The following TM4SF18 variants were observed in gnomAD, a reference collection of about 807,000 sequenced individuals.
The protein encoded by TM4SF18 is transmembrane 4 L6 family member 18.
TM4SF18 carries 22 observed loss-of-function variants against 23.8 expected under a neutral mutation model. The ratio of observed to expected loss-of-function variants is 0.92; its 90% CI spans 0.66 to 1.32. The LOEUF is 1.32. Ranked by LOEUF, TM4SF18 falls within the 40% of genes most tolerant of loss-of-function variation. The probability of loss-of-function intolerance (pLI) is 0.00; values close to 1 mark genes in which losing one functional copy is unlikely to be tolerated. For synonymous variants in TM4SF18, 87 were observed against 87.9 expected (o/e 0.99, Z 0.06); for missense variants, 255 against 240.3 (o/e 1.06, Z -0.41).
Position 149,318,596 on chromosome 3 carries a change from TA to T in TM4SF18, c.*2881del, listed in dbSNP as rs1350456025. 3 of 152,224 alleles carry T rather than the reference TA, an allele frequency of 2.0e-5. No homozygotes were observed. The highest frequency in any genetic ancestry group is 7.2e-5 in the African/African-American group (3 of 41,470). The allele number at this position is 152,224 out of a possible 1,614,324, so 9.4% of individuals were successfully genotyped here. A position where few individuals can be genotyped will look rare whatever the true frequency, so the allele number is the denominator to read the frequency against. ...TACTGAACAATGTAAAGAAAAGAGATAGAACTTATAGTCCTATCATTAGGAG... is the reference window on the plus strand; with the variant it reads ...TACTGAACAATGTAAAGAAAAGAGATGAACTTATAGTCCTATCATTAGGAG... On this transcript the variant is annotated 3_prime_UTR_variant, in exon 6 of 6. Coordinates refer to ENST00000296059, the MANE Select transcript of TM4SF18 (RefSeq NM_138786.4).
At chr3:149,326,844 T>C (rs1730959994) in intron 3 of TM4SF18, among the ~76,000 whole-genome samples, 1 of 152,228 alleles carries the variant, frequency 6.6e-6, no homozygotes, top group African/African-American at 2.4e-5. Flanking sequence ...GACATACTCA[T>C]GTCATTCTTT....
Position 149,333,243 on chromosome 3 carries a change from A to C in TM4SF18, c.140T>G (p.Val47Gly). The change falls in exon 2 of 6, where the codon GTG becomes GGG. Residue 47 changes from valine (V) to glycine (G), a missense_variant. Transcript: ENST00000296059. ...YASSNKLTNY[V>G]WYFEGICFSG... ...GAAACAGATTCCTTCAAAATACCAC[A>C]CGTAGTTGGTGAGTTTATTGCTGGA... The C allele has an allele frequency of 6.2e-7, 1 of 1,613,046 alleles. No individual in the cohort carries two copies. Among genetic ancestry groups the C allele is most frequent in the Non-Finnish European group, 8.5e-7 (1 of 1,179,564 alleles).
At chr3:149,321,760 C>A (rs533382320) in intron 5 of TM4SF18, among the ~76,000 whole-genome samples, 1 of 152,084 alleles carries the variant, frequency 6.6e-6, no homozygotes, top group African/African-American at 2.4e-5. Context: ...TTTTAGCAGA[C>A]GAAGTAGAAG....
intron 4 of TM4SF18, among the ~76,000 whole-genome samples, chr3:149,324,642 T>C (rs926666102): frequency 6.6e-6 from 1 of 152,144 alleles, no homozygotes; most frequent in Admixed American, 6.5e-5. Context: ...TTTGGATAGC[T>C]CCATGACAAC....
At chr3:149,327,589 G>A (rs79627735) in intron 3 of TM4SF18, among the ~76,000 whole-genome samples, 1,531 of 152,240 alleles carry the variant, frequency 0.01, 13 homozygotes, top group Non-Finnish European at 0.017. Flanking sequence ...CAGGGTGAGA[G>A]TAGGCAGCAG....
intron 5 of TM4SF18, 72 bp from the exon 6 acceptor site, chr3:149,321,564 TA>T (rs1435715267): frequency 2.8e-5 from 28 of 1,000,228 alleles, no homozygotes; most frequent in Non-Finnish European, 3.9e-5. Flanking sequence ...GTAATCCAGA[TA>T]GCAACTTAAA....
Position 149,325,038 on chromosome 3 carries a change from G to A in TM4SF18, c.268-16C>T. On this transcript the variant is annotated splice_polypyrimidine_tract_variant and intron_variant, in intron 3 of 5. Coordinates refer to ENST00000296059, the MANE Select transcript of TM4SF18 (RefSeq NM_138786.4). ...ACAGCAGTGTCTAAATTAAAACATA[G>A]AAGCAGGTTAGTACCATAGAATGCG... 1 of 1,611,200 alleles carries A rather than the reference G, an allele frequency of 6.2e-7. No homozygotes were observed. Among genetic ancestry groups the A allele is most frequent in the African/African-American group, 1.3e-5 (1 of 74,838 alleles).
intron 4 of TM4SF18, 119 bp from the exon 5 acceptor site, chr3:149,322,555 A>G (rs1730833418): frequency 3.6e-6 from 3 of 838,810 alleles, no homozygotes; most frequent in Non-Finnish European, 3.6e-6. Flanking sequence ...ATGAATTAAT[A>G]CATTTTAAAA....
intron 3 of TM4SF18, 82 bp from the exon 4 acceptor site, chr3:149,325,104 C>T: frequency 1.5e-6 from 2 of 1,378,552 alleles, no homozygotes; most frequent in Non-Finnish European, 2.0e-6. Flanking sequence ...TAGCTACATT[C>T]CCCTATTCAC....
At chr3:149,323,255 A>G (rs1463573078) in intron 4 of TM4SF18, among the ~76,000 whole-genome samples, 1 of 152,144 alleles carries the variant, frequency 6.6e-6, no homozygotes. Flanking sequence ...GTTATTGTGA[A>G]TATTTGGTAA....
At chr3:149,326,292 T>C (rs35046330) in intron 3 of TM4SF18, among the ~76,000 whole-genome samples, 8,872 of 152,268 alleles carry the variant, frequency 0.058, 289 homozygotes, top group Middle Eastern at 0.082. Flanking sequence ...TGTCTCACAT[T>C]CTGGGCTTTT....
At position 149,323,385 on chromosome 3, in the gene TM4SF18, G is replaced by A. The variant is rs565330004; in HGVS notation, c.411-949C>T. Among the ~76,000 whole-genome samples the A allele has an allele frequency of 1.3e-4, 20 of 152,240 alleles. No individual in the cohort carries two copies. The East Asian group carries it at 3.3e-3, about 25-fold the overall frequency. On this transcript the variant is annotated intron_variant, in intron 4 of 5. Coordinates refer to ENST00000296059, the MANE Select transcript of TM4SF18 (RefSeq NM_138786.4). ...CCCTATCTCCATCTCAGCTGCCAGG[G>A]AAATGAGTCCCTCCAGATCCCTCCT...
chr3:149,333,480 C>CTATTTTT, intron 1 of TM4SF18, 33 bp downstream of exon 1: 1 of 391,566 alleles, frequency 2.6e-6, no homozygotes, highest in Non-Finnish European at 3.6e-6. Flanking sequence ...CTCTCTCTCT[C>CTATTTTT]TCTTTTTTTT....
chr3:149,323,140 T>C (rs1374624722), intron 4 of TM4SF18, among the ~76,000 whole-genome samples: 1 of 152,118 alleles, frequency 6.6e-6, no homozygotes, highest in Non-Finnish European at 1.5e-5. Context: ...CCTCATGATC[T>C]GCCTGCCTCA....
intron 2 of TM4SF18, among the ~76,000 whole-genome samples, chr3:149,330,777 G>C (rs1275768024): frequency 1.3e-5 from 2 of 152,188 alleles, no homozygotes; most frequent in East Asian, 3.8e-4. Context: ...CTTTCTCAAT[G>C]ACTCAGTTGT....
intron 4 of TM4SF18, among the ~76,000 whole-genome samples, chr3:149,322,858 G>C (rs2108359347): frequency 6.6e-6 from 1 of 151,316 alleles, no homozygotes; most frequent in East Asian, 1.9e-4. Context: ...CCTGGATTTG[G>C]GTCTGCAGGA....
rs1160937438 is a variant in TM4SF18, at chr3:149,321,332, T to C, written c.*146A>G. The stretch of plus-strand genomic sequence containing the variant: ...TAAATGGAAGGGTGGTATACTTGCA[T>C]GTGCAGTGAGGACTGCAAATTTTTT... On this transcript the variant is annotated 3_prime_UTR_variant, in exon 6 of 6. Coordinates refer to ENST00000296059, the MANE Select transcript of TM4SF18 (RefSeq NM_138786.4). 1.2e-5 allele frequency: 6 copies of C among 514,372 alleles called. No homozygotes were observed. The highest frequency in any genetic ancestry group is 2.1e-5 in the Non-Finnish European group (6 of 284,998). The allele number at this position is 514,372 out of a possible 1,614,324, so 31.9% of individuals were successfully genotyped here. A position where few individuals can be genotyped will look rare whatever the true frequency, so the allele number is the denominator to read the frequency against.
In TM4SF18 at chr3:149,327,466, GAA is replaced by G. The variant is rs11294221; in HGVS notation, c.268-2446_268-2445del. ...AAGGAGGAAATGAGTAGCTGGAGAT[GAA>G]AAAAAAAAAAAAATCCAGAGCTGGG... On this transcript the variant is annotated intron_variant, in intron 3 of 5. Transcript: ENST00000296059. Among the ~76,000 whole-genome samples the G allele has an allele frequency of 9.5e-3, 1,330 of 139,328 alleles. 25 individuals carry two copies. Among genetic ancestry groups the G allele is most frequent in the African/African-American group, 0.031 (1,182 of 37,972 alleles). 91.4% of individuals were successfully genotyped at this position (139,328 alleles called of 152,430 possible).
chr3:149,322,248 T>A lies in TM4SF18; in HGVS notation c.591+8A>T, dbSNP rs760935895. 6.2e-7 allele frequency: 1 copy of A among 1,605,850 alleles called. No homozygotes were observed. The highest frequency in any genetic ancestry group is 1.3e-5 in the African/African-American group (1 of 74,542). On this transcript the variant is annotated splice_region_variant and intron_variant, in intron 5 of 5. Coordinates refer to ENST00000296059, the MANE Select transcript of TM4SF18 (RefSeq NM_138786.4). ...GATGAGCTACAGGTGCCCATGAGAA[T>A]CTGTTACCTGGAAGATCACTGAATA...
Sources: gnomAD v4.1 joint callset for allele counts (sites outside exome capture counted in the v4.1 genomes callset) on GRCh38, gnomAD v4.1.1 for gene constraint, MANE v1.5 for transcripts, NCBI Gene and HGNC (gene_info 2026-07-23, HGNC 2026-07-21) for gene names.